PIEZO2: variants seen among roughly 807,000 people sequenced by gnomAD.
The protein encoded by PIEZO2 is piezo type mechanosensitive ion channel component 2.
PIEZO2 carries 172 observed loss-of-function variants against 337.3 expected under a neutral mutation model. The ratio of observed to expected loss-of-function variants is 0.51; its 90% confidence interval spans 0.45 to 0.58. The LOEUF (loss-of-function observed/expected upper bound fraction) is 0.58. PIEZO2 is among the 20% of genes least tolerant of loss of function. The probability of loss-of-function intolerance (pLI) is 0.00; values close to 1 mark genes in which losing one functional copy is unlikely to be tolerated. For synonymous variants in PIEZO2, 1,251 were observed against 1,228.5 expected, an observed-to-expected ratio of 1.02 and a Z score of -0.38; for missense variants, 3,028 against 3,391.3, an observed-to-expected ratio of 0.89 and a Z score of 2.66.
rs188925895 is a variant in PIEZO2 at position 10,949,804 on chromosome 18, T to G, written c.286+29731A>C. Among the ~76,000 whole-genome samples the G allele has an allele frequency of 2.7e-3, 415 of 152,340 alleles. 1 individual carries two copies. The highest frequency in any genetic ancestry group is 3.9e-3 in the Non-Finnish European group (267 of 68,032). ...CATTCAGGAGACTGACACACAGTTGTGGTCAAAGTGATGCCTCTCCTATTT... is the reference window on the plus strand; with the variant it reads ...CATTCAGGAGACTGACACACAGTTGGGGTCAAAGTGATGCCTCTCCTATTT... On this transcript the variant is annotated intron_variant, in intron 3 of 55. Coordinates refer to ENST00000674853, the MANE Select transcript of PIEZO2 (RefSeq NM_001378183.1).
At chr18:10,805,939 A>G (rs1288021985) in intron 8 of PIEZO2, among the ~76,000 whole-genome samples, 3 of 152,294 alleles carry the variant, frequency 2.0e-5, no homozygotes, top group Non-Finnish European at 4.4e-5. Context: ...TCACTATCTG[A>G]TTTACAACCT....
At chr18:10,735,093 T>C (rs1406974843) in intron 35 of PIEZO2, among the ~76,000 whole-genome samples, 139 bp downstream of exon 35, 2 of 152,246 alleles carry the variant, frequency 1.3e-5, no homozygotes, top group East Asian at 3.9e-4. Context: ...CTTTTTCTAA[T>C]ATTTTACGTT....
intron 36 of PIEZO2, 111 bp from the exon 37 acceptor site, chr18:10,718,370 A>G: frequency 1.2e-6 from 1 of 856,214 alleles, no homozygotes; most frequent in Admixed American, 2.5e-5. Context: ...AGGACATTCT[A>G]TTTCAAGAGT....
At chr18:10,858,011 T>TC (rs1225569185) in intron 5 of PIEZO2, among the ~76,000 whole-genome samples, 12 of 135,856 alleles carry the variant, frequency 8.8e-5, no homozygotes, top group African/African-American at 1.7e-4. Flanking sequence ...CTTTCTTTTT[T>TC]TTTTTTTTTA....
chr18:11,031,500 A>G lies in PIEZO2; in HGVS notation c.160+34627T>C, dbSNP rs2145763966. Among the ~76,000 whole-genome samples, 1 of 152,332 alleles carries G rather than the reference A, an allele frequency of 6.6e-6. No individual in the cohort carries two copies. The highest frequency in any genetic ancestry group is 2.1e-4 in the South Asian group (1 of 4,824). On this transcript the variant is annotated intron_variant, in intron 2 of 55. Transcript: ENST00000674853. This position sits in a 1 kb window ranked among gnomAD's most constrained non-coding sequence, Gnocchi z 4.7. ...TATTTCTTCAAAATAGCTGAATTTT[A>G]TAACACTGGAACTTATACTATTTGA...
chr18:11,087,590 C>T (rs1233715981), intron 1 of PIEZO2, among the ~76,000 whole-genome samples: 1 of 152,210 alleles, frequency 6.6e-6, no homozygotes, highest in East Asian at 1.9e-4. Context: ...TTCCTGTGAA[C>T]ATTGATAATT....
At chr18:11,030,004 A>G (rs2036673812) in intron 2 of PIEZO2, among the ~76,000 whole-genome samples, 1 of 152,204 alleles carries the variant, frequency 6.6e-6, no homozygotes, top group South Asian at 2.1e-4. Flanking sequence ...CTTCTGAAAA[A>G]TTAGGTAACT....
rs946433389 is a variant in PIEZO2, at chr18:10,840,441, G to T, written c.917+14912C>A. ...ATCATGAGAATGAACGTTAGAGCTGGTCCTTTTTTATTGAGGGTAGCAATG... is the reference window on the plus strand; with the variant it reads ...ATCATGAGAATGAACGTTAGAGCTGTTCCTTTTTTATTGAGGGTAGCAATG... On this transcript the variant is annotated intron_variant, in intron 7 of 55. Transcript: ENST00000674853. 7.9e-5 allele frequency among the ~76,000 whole-genome samples: 12 copies of T among 152,072 alleles called. No homozygotes were observed. In the South Asian group the frequency reaches 2.5e-3, roughly 32 times the overall value.
intron 2 of PIEZO2, among the ~76,000 whole-genome samples, chr18:11,004,328 C>T (rs1211555137): frequency 2.6e-5 from 4 of 152,194 alleles, no homozygotes. Context: ...GGGGGCTTGG[C>T]CCTACTCCAT....
chr18:11,115,614 G>C (rs1034321605), intron 1 of PIEZO2, among the ~76,000 whole-genome samples: 3 of 152,098 alleles, frequency 2.0e-5, no homozygotes, highest in African/African-American at 7.2e-5. Context: ...CATGTATAAA[G>C]TCCTAAGCAA....
At chr18:10,753,186 G>A (rs535340374) in intron 27 of PIEZO2, among the ~76,000 whole-genome samples, 19 of 152,330 alleles carry the variant, frequency 1.2e-4, no homozygotes, top group African/African-American at 4.6e-4. Context: ...TGGGAGGCAT[G>A]AATAATTGTA....
Position 10,982,041 on chromosome 18 carries a change from G to A in PIEZO2, c.161-2381C>T, listed in dbSNP as rs938983301. 1.3e-5 allele frequency among the ~76,000 whole-genome samples: 2 copies of A among 152,156 alleles called. No homozygotes were observed. The highest frequency in any genetic ancestry group is 1.3e-4 in the Admixed American group (2 of 15,278). On this transcript the variant is annotated intron_variant, in intron 2 of 55. Transcript: ENST00000674853. The surrounding 1 kb of genome is among the most constrained non-coding windows in gnomAD (Gnocchi z 4.1). The stretch of plus-strand genomic sequence containing the variant: ...TACCTCCCATCAGGCCCCACCTTTA[G>A]CATTGGGGGTCAAATTTCAACATGA...
chr18:10,763,252 T>A (rs1598447041), intron 21 of PIEZO2, 154 bp from the exon 22 acceptor site: 1 of 748,912 alleles, frequency 1.3e-6, no homozygotes, highest in Non-Finnish European at 2.1e-6. Flanking sequence ...GCTGGGGTAC[T>A]AAAGTAGGTG....
chr18:11,048,002 T>C lies in PIEZO2; in HGVS notation c.160+18125A>G, dbSNP rs908056538. Among the ~76,000 whole-genome samples, 1 of 152,136 alleles carries C rather than the reference T, an allele frequency of 6.6e-6. No individual in the cohort carries two copies. Among genetic ancestry groups the C allele is most frequent in the African/African-American group, 2.4e-5 (1 of 41,446 alleles). ...GCTCAGGTACTCCAGGCCTTCCTCCTGCATGGTCTGCAGCTCTGAAAGTGG... is the reference window on the plus strand; with the variant it reads ...GCTCAGGTACTCCAGGCCTTCCTCCCGCATGGTCTGCAGCTCTGAAAGTGG... On this transcript the variant is annotated intron_variant, in intron 2 of 55. Transcript: ENST00000674853. The surrounding 1 kb of genome is among the most constrained non-coding windows in gnomAD (Gnocchi z 4.5).
chr18:10,984,640 T>C (rs1197162669), intron 2 of PIEZO2, among the ~76,000 whole-genome samples: 1 of 151,862 alleles, frequency 6.6e-6, no homozygotes, highest in Admixed American at 6.6e-5. Context: ...GTTTAAGAAG[T>C]AGTAGAGAAA....
rs2036564900 is a variant in PIEZO2, at chr18:10,726,845, T to C, written c.5029+4562A>G. 6.3e-7 allele frequency: 1 copy of C among 1,586,922 alleles called. No homozygotes were observed. Among genetic ancestry groups the C allele is most frequent in the South Asian group, 1.1e-5 (1 of 89,586 alleles). On this transcript the variant is annotated intron_variant, in intron 36 of 55. Transcript: ENST00000674853. The surrounding 1 kb of genome is among the most constrained non-coding windows in gnomAD (Gnocchi z 5.9). ...GATAATACCCGGATGCCCCACCTTA[T>C]GCAGGACTTGGCACGCTACCGGCAG...
At position 10,815,748 on chromosome 18, in the gene PIEZO2, T is replaced by C. The variant is rs1201130511; in HGVS notation, c.918-8474A>G. 6.6e-6 allele frequency among the ~76,000 whole-genome samples: 1 copy of C among 152,216 alleles called. No individual in the cohort carries two copies. The highest frequency in any genetic ancestry group is 2.4e-5 in the African/African-American group (1 of 41,454). On this transcript the variant is annotated intron_variant, in intron 7 of 55. Coordinates refer to ENST00000674853, the MANE Select transcript of PIEZO2 (RefSeq NM_001378183.1). The surrounding 1 kb of genome is among the most constrained non-coding windows in gnomAD (Gnocchi z 4.1). ...AGAACAGTCTTCTGATGGTACATTA[T>C]AGCTATAATCTAAATATTTATGGAC...
intron 4 of PIEZO2, among the ~76,000 whole-genome samples, chr18:10,879,506 C>G (rs2144839380): frequency 6.7e-6 from 1 of 149,332 alleles, no homozygotes; most frequent in East Asian, 2.0e-4. Flanking sequence ...TGCCATTCTG[C>G]TGCCTCAGCC....
At chr18:10,701,298 T>C (rs2143736656) in intron 43 of PIEZO2, among the ~76,000 whole-genome samples, 1 of 152,380 alleles carries the variant, frequency 6.6e-6, no homozygotes, top group East Asian at 1.9e-4. Flanking sequence ...GTTTAGTTTA[T>C]AATTCACAGC....
Sources: allele counts gnomAD v4.1 joint callset (sites outside exome capture counted in the v4.1 genomes callset), GRCh38; gene constraint gnomAD v4.1.1; non-coding constraint Gnocchi (gnomAD v3.1); transcripts MANE v1.5; gene names NCBI Gene and HGNC (gene_info 2026-07-23, HGNC 2026-07-21).